The following MPV17 variants were observed in gnomAD, a reference collection of about 807,000 sequenced individuals.
MPV17 encodes mitochondrial inner membrane protein MPV17.
MPV17 carries 31 observed loss-of-function variants against 28.6 expected under a neutral mutation model. The ratio of observed to expected loss-of-function variants is 1.08; its 90% CI spans 0.81 to 1.46. The LOEUF (loss-of-function observed/expected upper bound fraction) is 1.46, where lower values mean the gene tolerates loss of function less well. MPV17 is among the 40% of genes most tolerant of loss of function. The pLI is 0.00. For synonymous variants in MPV17, 87 were observed against 85.3 expected, an observed-to-expected ratio of 1.02 and a Z score of -0.11; for missense variants, 198 against 216.2, an observed-to-expected ratio of 0.92 and a Z score of 0.53.
chr2:27,321,349 G>C (rs1272562787), intron 2 of MPV17, among the ~76,000 whole-genome samples: 1 of 152,226 alleles, frequency 6.6e-6, no homozygotes, highest in Admixed American at 6.5e-5. Flanking sequence ...GGAGACTGGA[G>C]AGGGGCCCAG....
intron 2 of MPV17, among the ~76,000 whole-genome samples, chr2:27,321,201 A>C (rs1287843041): frequency 6.6e-6 from 1 of 152,200 alleles, no homozygotes; most frequent in African/African-American, 2.4e-5. Context: ...CCCTGAGGGA[A>C]TCTGAGCCTG....
Position 27,309,970 on chromosome 2 carries a change from A to C in MPV17, c.473T>G (p.Val158Gly). 1 of 1,613,850 alleles carries C rather than the reference A, an allele frequency of 6.2e-7. No individual in the cohort carries two copies. Among genetic ancestry groups the C allele is most frequent in the Non-Finnish European group, 8.5e-7 (1 of 1,179,726 alleles). ...LVPLHYRLAV[V>G]QCVAVIWNSY... ...GTTCCAGATAACAGCAACACATTGG[A>C]CAACGGCCAACCTAAGGAACAGGAA... The change falls in exon 8 of 8, where the codon GTC becomes GGC. Residue 158 changes from valine to glycine, a missense_variant. Coordinates refer to ENST00000380044, the MANE Select transcript of MPV17 (RefSeq NM_002437.5).
intron 3 of MPV17, 28 bp from the exon 4 acceptor site, chr2:27,312,800 G>A (rs1679504591): frequency 6.2e-7 from 1 of 1,610,884 alleles, no homozygotes; most frequent in East Asian, 2.2e-5. Flanking sequence ...ATAGCAGCAG[G>A]CTGCAGTGAG....
At chr2:27,315,929 A>T in intron 2 of MPV17, 1 of 1,447,496 alleles carries the variant, frequency 6.9e-7, no homozygotes, top group African/African-American at 1.4e-5. Context: ...GTTGGAACTG[A>T]ACCCAGGCCT....
chr2:27,315,257 A>G (rs914035061), intron 2 of MPV17, among the ~76,000 whole-genome samples: 3 of 152,220 alleles, frequency 2.0e-5, no homozygotes, highest in Non-Finnish European at 2.9e-5. Context: ...AAGTTGCCCA[A>G]AGGTCCAAGT....
At chr2:27,316,085 A>C in intron 2 of MPV17, 1 of 1,550,798 alleles carries the variant, frequency 6.4e-7, no homozygotes, top group Non-Finnish European at 8.7e-7. Context: ...TGCATATCAA[A>C]GGACATTCCC....
intron 2 of MPV17, among the ~76,000 whole-genome samples, chr2:27,314,165 A>G (rs1165406211): frequency 6.6e-6 from 1 of 152,048 alleles, no homozygotes; most frequent in East Asian, 1.9e-4. Flanking sequence ...CTTCTACAAA[A>G]AATTTTTTTA....
In MPV17 at chr2:27,322,445, C is replaced by T; in HGVS notation, c.70+3G>A. The T allele has an allele frequency of 3.7e-6, 6 of 1,613,880 alleles. No homozygotes were observed. Among genetic ancestry groups the T allele is most frequent in the Non-Finnish European group, 5.1e-6 (6 of 1,179,800 alleles). ...CCCACTCAAGTCCTAGAGGGACACT[C>T]ACCAGCTGTCAGGACCTGTACTTTC... On this transcript the variant is annotated splice_donor_region_variant and intron_variant, in intron 2 of 7. Coordinates refer to ENST00000380044, the MANE Select transcript of MPV17 (RefSeq NM_002437.5).
At chr2:27,311,661 T>G (rs1416794489) in intron 7 of MPV17, 2 of 1,550,600 alleles carry the variant, frequency 1.3e-6, no homozygotes, top group Middle Eastern at 1.7e-4. Flanking sequence ...ACAAGGGTGG[T>G]AGAAGCAGGA....
At chr2:27,322,365 A>G (rs951646756) in intron 2 of MPV17, 83 bp downstream of exon 2, 4 of 1,121,314 alleles carry the variant, frequency 3.6e-6, no homozygotes, top group Non-Finnish European at 5.5e-6. Context: ...AGAAACAGGA[A>G]GTGAGGGTGG....
At position 27,322,478 on chromosome 2, in the gene MPV17, G is replaced by T. The variant is rs750197174; in HGVS notation, c.40C>A (p.His14Asn). The T allele has an allele frequency of 6.2e-7, 1 of 1,614,120 alleles. No homozygotes were observed. Among genetic ancestry groups the T allele is most frequent in the South Asian group, 1.1e-5 (1 of 91,090 alleles). The change falls in exon 2 of 8, where the codon CAC (histidine) becomes AAC (asparagine). Residue 14 changes from histidine (H) to asparagine (N), a missense_variant. Physicochemically the swap from His to Asn is moderately conservative, Grantham distance 68 (BLOSUM62 1). Coordinates refer to ENST00000380044, the MANE Select transcript of MPV17 (RefSeq NM_002437.5). The stretch of plus-strand genomic sequence containing the variant: ...GTCAGGACCTGTACTTTCCACGGGT[G>T]AGCGGCCAGGGCCCGCTGGTATGCC... ...WRAYQRALAA[H>N]PWKVQVLTAG...
chr2:27,320,561 C>A (rs1477792558), intron 2 of MPV17, among the ~76,000 whole-genome samples: 3 of 152,138 alleles, frequency 2.0e-5, no homozygotes, highest in Non-Finnish European at 4.4e-5. Context: ...GTCTCGATCT[C>A]CTGACCTCGT....
At position 27,317,101 on chromosome 2, in the gene MPV17, C is replaced by T. The variant is rs763071467; in HGVS notation, c.71-3992G>A. On this transcript the variant is annotated intron_variant, in intron 2 of 7. Coordinates refer to ENST00000380044, the MANE Select transcript of MPV17 (RefSeq NM_002437.5). The surrounding 1 kb of genome is among the most constrained non-coding windows in gnomAD (Gnocchi z 4.0). ...ACTTTTGTGGCTTTTGAGTTTCATG[C>T]GCAGAAGGCAGAGGGGCAAGAAGTG... 221 of 1,548,544 alleles carry T rather than the reference C, an allele frequency of 1.4e-4. No individual in the cohort carries two copies. The highest frequency in any genetic ancestry group is 1.8e-4 in the Non-Finnish European group (204 of 1,146,536).
chr2:27,314,873 C>A (rs555733399), intron 2 of MPV17, among the ~76,000 whole-genome samples: 1 of 152,368 alleles, frequency 6.6e-6, no homozygotes, highest in African/African-American at 2.4e-5. Flanking sequence ...CTGTTGCGTT[C>A]TTCCTCCACA....
At chr2:27,311,306 T>C (rs569630086) in intron 7 of MPV17, 3 of 413,680 alleles carry the variant, frequency 7.3e-6, no homozygotes, top group Non-Finnish European at 1.3e-5. Context: ...AGCAAACCTC[T>C]TGCCTCAGCC....
At chr2:27,312,394 A>C (rs898872925) in intron 5 of MPV17, 100 bp downstream of exon 5, 4 of 1,445,338 alleles carry the variant, frequency 2.8e-6, no homozygotes, top group Non-Finnish European at 3.9e-6. Flanking sequence ...CTGGGGCCCT[A>C]CCTGCACTTA....
intron 2 of MPV17, among the ~76,000 whole-genome samples, chr2:27,318,691 G>T (rs1050961123): frequency 1.3e-5 from 2 of 152,102 alleles, no homozygotes; most frequent in African/African-American, 4.8e-5. Context: ...GATGGGAGTG[G>T]CAGATAAAGG....
chr2:27,322,418 G>A (rs1163298157), intron 2 of MPV17, 30 bp downstream of exon 2: 2 of 1,595,272 alleles, frequency 1.3e-6, no homozygotes, highest in African/African-American at 1.3e-5. Context: ...GTCTGCCCTG[G>A]TCCCACTCAA....
At chr2:27,322,220 T>C in intron 2 of MPV17, 1 of 592,586 alleles carries the variant, frequency 1.7e-6, no homozygotes, top group South Asian at 2.0e-5. Context: ...TTTGAGGACT[T>C]TGAAATCCTA....
Sources: gnomAD v4.1 joint callset for allele counts (sites outside exome capture counted in the v4.1 genomes callset) on GRCh38, gnomAD v4.1.1 for gene constraint, Gnocchi (gnomAD v3.1) non-coding constraint, MANE v1.5 for transcripts, NCBI Gene and HGNC (gene_info 2026-07-23, HGNC 2026-07-21) for gene names.